UMAD1: variants seen among roughly 807,000 people sequenced by gnomAD.
The protein encoded by UMAD1 is UBAP1-MVB12-associated (UMA)-domain containing protein 1.
Under a neutral mutation model 6.1 loss-of-function variants are expected in UMAD1, and 8 were observed. The ratio of observed to expected loss-of-function variants is 1.30; its 90% CI spans 0.76 to 2.35. UMAD1 has a LOEUF of 2.35. UMAD1 is among the 30% of genes most tolerant of loss of function. The pLI, the probability that UMAD1 is intolerant of heterozygous loss-of-function variation, is 0.00. For synonymous variants in UMAD1, 56 were observed against 31.4 expected (o/e 1.78, Z -2.61); for missense variants, 130 against 78.4 (o/e 1.66, Z -2.49).
intron 2 of UMAD1, among the ~76,000 whole-genome samples, chr7:7,784,183 C>G (rs914147278): frequency 6.6e-6 from 1 of 152,066 alleles, no homozygotes; most frequent in African/African-American, 2.4e-5. Context: ...TTTAAACTCT[C>G]TTTTGTTATT....
At chr7:7,855,390 A>C (rs1783996759) in intron 3 of UMAD1, among the ~76,000 whole-genome samples, 1 of 152,222 alleles carries the variant, frequency 6.6e-6, no homozygotes, top group Non-Finnish European at 1.5e-5. Context: ...CATCCTTTGA[A>C]ATCTAGGCAA....
intron 2 of UMAD1, among the ~76,000 whole-genome samples, chr7:7,784,343 T>G (rs1782415311): frequency 6.6e-6 from 1 of 150,908 alleles, no homozygotes; most frequent in Admixed American, 6.6e-5. Flanking sequence ...CTCTGTTTTT[T>G]TTTTTTTTTT....
chr7:7,668,970 C>G (rs1487385368), intron 1 of UMAD1, among the ~76,000 whole-genome samples: 2 of 152,040 alleles, frequency 1.3e-5, no homozygotes, highest in East Asian at 3.9e-4. Context: ...ACCTAATGGA[C>G]ATAGCTTTGG....
intron 2 of UMAD1, among the ~76,000 whole-genome samples, chr7:7,799,202 C>A (rs1180051267): frequency 6.6e-6 from 1 of 152,072 alleles, no homozygotes; most frequent in African/African-American, 2.4e-5. Flanking sequence ...AATTGTATTT[C>A]ATTGTGACCC....
chr7:7,655,512 T>A (rs1047905933), intron 1 of UMAD1, among the ~76,000 whole-genome samples: 1 of 152,242 alleles, frequency 6.6e-6, no homozygotes, highest in African/African-American at 2.4e-5. Flanking sequence ...CTTGATGCTC[T>A]ATAATTGATT....
intron 2 of UMAD1, among the ~76,000 whole-genome samples, chr7:7,685,317 T>G (rs1326317450): frequency 9.3e-5 from 14 of 151,202 alleles, no homozygotes; most frequent in Admixed American, 9.2e-4. Context: ...CATTGATCTT[T>G]TTTTTTTTTT....
rs1360132700 is a variant in UMAD1 at position 7,847,101 on chromosome 7, AAAAATATATATAT to A, written c.157-30178_157-30166del. ...AGACAGCAATGCAAAAAAAAAAAAA[AAAAATATATATAT>A]ATATATATATATATATATATATATA... On this transcript the variant is annotated intron_variant, in intron 3 of 3. Transcript: ENST00000682710. 2.5e-3 allele frequency among the ~76,000 whole-genome samples: 80 copies of A among 32,176 alleles called. 7 individuals carry two copies. Among genetic ancestry groups the A allele is most frequent in the African/African-American group, 3.4e-3 (14 of 4,118 alleles). 21.1% of individuals were successfully genotyped at this position (32,176 alleles called of 152,430 possible).
At chr7:7,672,026 C>T (rs1190551292) in intron 1 of UMAD1, among the ~76,000 whole-genome samples, 1 of 152,168 alleles carries the variant, frequency 6.6e-6, no homozygotes, top group Non-Finnish European at 1.5e-5. Flanking sequence ...ATATCCTTCT[C>T]TGATCTACAA....
chr7:7,868,931 T>C (rs1219189491), intron 3 of UMAD1, among the ~76,000 whole-genome samples: 2 of 152,206 alleles, frequency 1.3e-5, no homozygotes, highest in Non-Finnish European at 2.9e-5. Flanking sequence ...AAACATTTAA[T>C]GAGCACTTTG....
At chr7:7,757,753 T>C (rs1781805483) in intron 2 of UMAD1, among the ~76,000 whole-genome samples, 1 of 152,182 alleles carries the variant, frequency 6.6e-6, no homozygotes. Context: ...TTTAGGGATG[T>C]TGTGTGGATT....
intron 2 of UMAD1, among the ~76,000 whole-genome samples, chr7:7,702,965 G>T (rs1310244273): frequency 6.6e-6 from 1 of 152,152 alleles, no homozygotes; most frequent in African/African-American, 2.4e-5. Context: ...TCCTGTTGTC[G>T]TGTAAACTTA....
intron 2 of UMAD1, among the ~76,000 whole-genome samples, chr7:7,678,327 CTGA>C (rs1779800420): frequency 6.7e-6 from 1 of 150,350 alleles, no homozygotes; most frequent in Non-Finnish European, 1.5e-5. Context: ...TTGCATTTCT[CTGA>C]TGATCAACAA....
intron 2 of UMAD1, among the ~76,000 whole-genome samples, chr7:7,712,144 C>G (rs1270015622): frequency 6.6e-6 from 1 of 152,160 alleles, no homozygotes. Flanking sequence ...TTAAAACCAT[C>G]TCAACCTTCC....
chr7:7,667,429 G>A (rs188572850), intron 1 of UMAD1, among the ~76,000 whole-genome samples: 6 of 152,230 alleles, frequency 3.9e-5, no homozygotes, highest in African/African-American at 9.6e-5. Flanking sequence ...CTAGGCTTGG[G>A]GCAGCAGGAT....
At chr7:7,663,182 T>TAAAA (rs35538283) in intron 1 of UMAD1, among the ~76,000 whole-genome samples, 6 of 144,426 alleles carry the variant, frequency 4.2e-5, no homozygotes, top group African/African-American at 7.7e-5. Context: ...TTCATTCCAT[T>TAAAA]AAAAAAAAAA....
At position 7,801,651 on chromosome 7, in the gene UMAD1, CAT is replaced by C. The variant is rs1782801158; in HGVS notation, c.83-14_83-13del. 5.6e-6 allele frequency: 4 copies of C among 713,978 alleles called. No homozygotes were observed. The highest frequency in any genetic ancestry group is 1.0e-5 in the Non-Finnish European group (4 of 383,978). The allele number at this position is 713,978 out of a possible 1,614,324, so 44.2% of individuals were successfully genotyped here. A position where few individuals can be genotyped will look rare whatever the true frequency, so the allele number is the denominator to read the frequency against. ...AATATGGTCAAGTTTTAAAAATAGA[CAT>C]ATATTTTACTTCATAGGAGATACAA... is the stretch of plus-strand genomic sequence containing the variant. On this transcript the variant is annotated splice_polypyrimidine_tract_variant and intron_variant, in intron 2 of 3. Coordinates refer to ENST00000682710, the MANE Select transcript of UMAD1 (RefSeq NM_001302348.2).
chr7:7,666,620 G>A (rs1204150320), intron 1 of UMAD1, among the ~76,000 whole-genome samples: 1 of 151,884 alleles, frequency 6.6e-6, no homozygotes, highest in Non-Finnish European at 1.5e-5. Flanking sequence ...TCCTTGTGGT[G>A]GTTTGCTGTT....
At chr7:7,831,341 A>G (rs150817933) in intron 3 of UMAD1, among the ~76,000 whole-genome samples, 51 of 152,336 alleles carry the variant, frequency 3.3e-4, no homozygotes, top group African/African-American at 1.1e-3. Flanking sequence ...CATCATATCA[A>G]TTCTCTGTAC....
chr7:7,708,240 G>A (rs1463240902), intron 2 of UMAD1, among the ~76,000 whole-genome samples: 1 of 152,100 alleles, frequency 6.6e-6, no homozygotes, highest in Non-Finnish European at 1.5e-5. Flanking sequence ...ATTCAAGTGG[G>A]AATTAAGAAT....
Sources: gnomAD v4.1 joint callset for allele counts (sites outside exome capture counted in the v4.1 genomes callset) on GRCh38, gnomAD v4.1.1 for gene constraint, MANE v1.5 for transcripts, NCBI Gene and HGNC (gene_info 2026-07-23, HGNC 2026-07-21) for gene names.